The following PDZD4 variants were observed in gnomAD, a reference collection of about 807,000 sequenced individuals.
PDZD4 encodes PDZ domain-containing protein 4.
PDZD4 carries 9 observed loss-of-function variants against 38.5 expected under a neutral mutation model. That is an observed-to-expected ratio of 0.23 (90% confidence interval 0.14 to 0.41). PDZD4 has a LOEUF of 0.41. Ranked by LOEUF, PDZD4 falls within the 10% of genes least tolerant of loss-of-function variation. PDZD4 has a pLI of 1.00. For missense variants in PDZD4, 612 were observed against 722.0 expected (o/e 0.85, Z 1.75); for synonymous variants, 349 against 315.7 (o/e 1.11, Z -1.12).
In PDZD4 at chrX:153,804,882, TCTC is replaced by T. The variant is rs1346347737; in HGVS notation, c.796_798del (p.Glu266del). Reference sequence around the variant, plus strand: ...CCTGGGCCGGCATCGGGAGCCCCCTTCTCCTCTTCGTTTCCGGGCTAGAGCAGA... The same window carrying T: ...CCTGGGCCGGCATCGGGAGCCCCCTTCTCTTCGTTTCCGGGCTAGAGCAGA... On this transcript the variant is annotated inframe_deletion, in exon 8 of 8. Transcript: ENST00000393758. 9.1e-6 allele frequency: 11 copies of T among 1,208,079 alleles called. No homozygotes were observed. The highest frequency in any genetic ancestry group is 1.1e-5 in the Non-Finnish European group (10 of 893,478).
Position 153,804,868 on chromosome X carries a change from A to G in PDZD4, c.813T>C (p.Asp271=). The stretch of plus-strand genomic sequence containing the variant: ...GGCTGTTGCTCAGGCCTGGGCCGGC[A>G]TCGGGAGCCCCCTTCTCCTCTTCGT... ...PGNEEEKGAP[D]AGPGLSNSQE... The change falls in exon 8 of 8, where the codon GAT becomes GAC. Residue 271 remains aspartate (D), a synonymous_variant. Coordinates refer to ENST00000393758, the MANE Select transcript of PDZD4 (RefSeq NM_001303512.2). 8.3e-7 allele frequency: 1 copy of G among 1,210,088 alleles called. No individual in the cohort carries two copies. Among genetic ancestry groups the G allele is most frequent in the African/African-American group, 1.7e-5 (1 of 57,970 alleles).
Position 153,803,839 on chromosome X carries a change from C to A in PDZD4, c.1842G>T (p.Arg614=). 1.3e-5 allele frequency: 15 copies of A among 1,193,027 alleles called. No homozygotes were observed. Among genetic ancestry groups the A allele is most frequent in the Non-Finnish European group, 1.7e-5 (15 of 888,263 alleles). Residue 614 remains arginine, a synonymous_variant, in exon 8 of 8, where the codon CGG becomes CGT. Coordinates refer to ENST00000393758, the MANE Select transcript of PDZD4 (RefSeq NM_001303512.2). ...TGGCCGCGGCCGCCACCCCGCCCAC[C>A]CGAGGGCCACCGGCCAAGCTCAGGG... ...HGPLSLAGGP[R]VGGVAAAATE... is the part of the protein sequence containing the mutation.
At chrX:153,822,993 A>G (rs1214396581) in intron 1 of PDZD4, among the ~76,000 whole-genome samples, 2 of 111,310 alleles carry the variant, frequency 1.8e-5, no homozygotes, top group African/African-American at 6.5e-5. Context: ...GTCACTGGGC[A>G]TTAACTGTGA....
intron 1 of PDZD4, among the ~76,000 whole-genome samples, chrX:153,825,081 C>T (rs1428391810): frequency 8.9e-6 from 1 of 112,704 alleles, no homozygotes; most frequent in African/African-American, 3.2e-5. Context: ...CTGAATGCCA[C>T]GCACCCAGGA....
chrX:153,811,824 G>T (rs1200691390), intron 1 of PDZD4, among the ~76,000 whole-genome samples: 2 of 112,017 alleles, frequency 1.8e-5, no homozygotes, highest in African/African-American at 6.5e-5. Context: ...ATGGAAGAGG[G>T]TGGGCGGCAG....
rs1260822284 is a variant in PDZD4, at chrX:153,812,426, G to C, written c.61-3831C>G. ...CCTTTCTACCCGGAATCATTACCGA[G>C]CAGCAGTGTTGCTATGGAAACTGAG... On this transcript the variant is annotated intron_variant, in intron 1 of 7. Coordinates refer to ENST00000393758, the MANE Select transcript of PDZD4 (RefSeq NM_001303512.2). Among the ~76,000 whole-genome samples, 3 of 110,038 alleles carry C rather than the reference G, an allele frequency of 2.7e-5. No homozygotes were observed. In the East Asian group the frequency reaches 8.6e-4, roughly 32 times the overall value.
rs781785549 is a variant in PDZD4 at position 153,803,533 on chromosome X, C to T, written c.2148G>A (p.Gln716=). 2 of 1,203,006 alleles carry T rather than the reference C, an allele frequency of 1.7e-6. No individual in the cohort carries two copies. The highest frequency in any genetic ancestry group is 2.2e-5 in the Admixed American group (1 of 45,445). The change falls in exon 8 of 8, where the codon CAG becomes CAA. Residue 716 remains glutamine (Q), a synonymous_variant. Transcript: ENST00000393758. ...TGAGCTCGGGCTTGCTGTCGCCATT[C>T]TGCTGCTCCCGCAGGCACTCCAGCC... ...QSRLECLREQ[Q]NGDSKPELNI...
At chrX:153,806,692 G>T in intron 4 of PDZD4, 50 bp downstream of exon 4, 1 of 1,108,158 alleles carries the variant, frequency 9.0e-7, no homozygotes. Context: ...CTGAGCCACA[G>T]GCAGGCCATG....
Position 153,804,687 on chromosome X carries a change from C to G in PDZD4, c.994G>C (p.Asp332His). ...GLQGDALQSR[D>H]FHFSMDSLLA... is the part of the protein sequence containing the mutation. ...AGAGAGTCCATGCTGAAATGGAAGT[C>G]CCGGCTCTGCAGGGCGTCCCCTTGC... The change falls in exon 8 of 8, where the codon GAC becomes CAC. Residue 332 changes from aspartate (D) to histidine (H), a missense_variant. By Grantham distance (81) the Asp-to-His change is moderately conservative. Coordinates refer to ENST00000393758, the MANE Select transcript of PDZD4 (RefSeq NM_001303512.2). The G allele has an allele frequency of 3.3e-6, 4 of 1,205,796 alleles. No individual in the cohort carries two copies. Among genetic ancestry groups the G allele is most frequent in the Non-Finnish European group, 4.5e-6 (4 of 892,701 alleles).
chrX:153,825,944 G>A (rs898337889), intron 1 of PDZD4, among the ~76,000 whole-genome samples: 2 of 112,066 alleles, frequency 1.8e-5, no homozygotes, highest in Non-Finnish European at 3.8e-5. Flanking sequence ...GGCCAGGAAC[G>A]GTGGTTTACA....
intron 1 of PDZD4, among the ~76,000 whole-genome samples, chrX:153,819,539 T>C (rs1201633119): frequency 8.9e-6 from 1 of 111,939 alleles, no homozygotes; most frequent in Admixed American, 9.3e-5. Context: ...CGGACTCCCC[T>C]TACCCCACTG....
At position 153,808,539 on chromosome X, in the gene PDZD4, G is replaced by A. The variant is rs782374447; in HGVS notation, c.117C>T (p.Arg39=). The A allele has an allele frequency of 1.7e-5, 21 of 1,203,938 alleles. No homozygotes were observed. In the East Asian group the frequency reaches 6.2e-4, roughly 36 times the overall value. The part of the protein sequence containing the change: ...LSQEQTLQAL[R]SSKEPLVIQV... ...GGATCACCAGGGGCTCCTTGGAGGA[G>A]CGCAGGGCCTGCAGAGTTTGCTCCT... The change falls in exon 2 of 8, where the codon CGC becomes CGT. Residue 39 remains arginine (R), a synonymous_variant. Transcript: ENST00000393758.
At chrX:153,809,846 C>T (rs1221743759) in intron 1 of PDZD4, among the ~76,000 whole-genome samples, 4 of 112,765 alleles carry the variant, frequency 3.5e-5, no homozygotes, top group African/African-American at 6.4e-5. Flanking sequence ...GGGCCCAAGG[C>T]GGAAGTAGGA....
chrX:153,808,135 C>T (rs2064272318), intron 2 of PDZD4: 6 of 1,073,573 alleles, frequency 5.6e-6, no homozygotes, highest in Non-Finnish European at 6.0e-6. Context: ...GGTCCTCCCT[C>T]GGCCCTGGGG....
chrX:153,814,478 C>CA (rs2064339959), intron 1 of PDZD4, among the ~76,000 whole-genome samples: 1 of 44,207 alleles, frequency 2.3e-5, no homozygotes, highest in Non-Finnish European at 4.4e-5. Flanking sequence ...CATCCACCCC[C>CA]CACCCCCCCC....
rs141253880 is a variant in PDZD4, at chrX:153,803,749, C to T, written c.1932G>A (p.Lys644=). Residue 644 remains lysine, a synonymous_variant, in exon 8 of 8, where the codon AAG becomes AAA. Coordinates refer to ENST00000393758, the MANE Select transcript of PDZD4 (RefSeq NM_001303512.2). ...VRSDGTRYVA[K]RPVRDRLLKA... ...TCAGCAGCCGATCTCGCACGGGCCGCTTGGCCACGTAGCGGGTTCCGTCGC... is the reference window on the plus strand; with the variant it reads ...TCAGCAGCCGATCTCGCACGGGCCGTTTGGCCACGTAGCGGGTTCCGTCGC... 1,762 of 1,208,455 alleles carry T rather than the reference C, an allele frequency of 1.5e-3. 2 individuals carry two copies. The highest frequency in any genetic ancestry group is 1.9e-3 in the Non-Finnish European group (1,661 of 895,303).
At chrX:153,825,046 A>G (rs1459675096) in intron 1 of PDZD4, among the ~76,000 whole-genome samples, 1 of 112,636 alleles carries the variant, frequency 8.9e-6, no homozygotes, top group Non-Finnish European at 1.9e-5. Context: ...GGGAGGGGCA[A>G]GGCCCTGTCT....
At chrX:153,829,782 G>A (rs1202357953) in intron 1 of PDZD4, 2 of 755,571 alleles carry the variant, frequency 2.6e-6, no homozygotes, top group Non-Finnish European at 3.1e-6. Context: ...GGCCAGGCGG[G>A]AGTGGGTGTC....
chrX:153,807,765 A>G lies in PDZD4; in HGVS notation c.315-396T>C, dbSNP rs1184494416. The stretch of plus-strand genomic sequence containing the variant: ...TATCCAGGCCCTGGAGGACTTCTGC[A>G]GAGCAGAGGGGGGCCCACCCTACCT... On this transcript the variant is annotated intron_variant, in intron 2 of 7. Transcript: ENST00000393758. 3.6e-6 allele frequency: 3 copies of G among 837,966 alleles called. No homozygotes were observed. The Admixed American group carries it at 1.3e-4, about 36-fold the overall frequency. 69.1% of individuals were successfully genotyped at this position (837,966 alleles called of 1,213,427 possible). A position where few individuals can be genotyped will look rare whatever the true frequency, so the allele number is the denominator to read the frequency against.
Sources: allele counts gnomAD v4.1 joint callset (sites outside exome capture counted in the v4.1 genomes callset), GRCh38; gene constraint gnomAD v4.1.1; transcripts MANE v1.5; gene names NCBI Gene and HGNC (gene_info 2026-07-23, HGNC 2026-07-21).